Variants in ST7 observed in about 807,000 individuals in gnomAD.
ST7 encodes suppression of tumorigenicity 7.
A neutral mutation model predicts 78.7 loss-of-function variants in ST7; 28 were observed. The ratio of observed to expected loss-of-function variants is 0.36; its 90% CI spans 0.26 to 0.49. The LOEUF (loss-of-function observed/expected upper bound fraction) is 0.49, where lower values mean the gene tolerates loss of function less well. Among genes scored for constraint, ST7 ranks in the 20% least tolerant of loss-of-function variants. The probability of loss-of-function intolerance (pLI) is 0.99; values close to 1 mark genes in which losing one functional copy is unlikely to be tolerated. For synonymous variants in ST7, 247 were observed against 249.6 expected, an observed-to-expected ratio of 0.99 and a Z score of 0.10; for missense variants, 418 against 696.0, an observed-to-expected ratio of 0.60 and a Z score of 4.49.
At position 117,222,820 on chromosome 7, in the gene ST7, A is replaced by T. The variant is rs375220904; in HGVS notation, c.1638+758A>T. 3 of 1,477,690 alleles carry T rather than the reference A, an allele frequency of 2.0e-6. No homozygotes were observed. The African/African-American group carries it at 4.1e-5, about 20-fold the overall frequency. 91.5% of individuals were successfully genotyped at this position (1,477,690 alleles called of 1,614,324 possible). ...TTCAAGGCGAGTGCAATCAGAAAGG[A>T]TGATTTCTAACTTGGCTGGGTTGAT... On this transcript the variant is annotated intron_variant, in intron 15 of 15. Coordinates refer to ENST00000323984, the MANE Select transcript of ST7 (RefSeq NM_001369598.1).
At chr7:117,089,336 A>G (rs1355456633) in intron 1 of ST7, among the ~76,000 whole-genome samples, 1 of 152,232 alleles carries the variant, frequency 6.6e-6, no homozygotes, top group East Asian at 1.9e-4. Context: ...GAATGGCCAA[A>G]GCTGGTCATG....
intron 1 of ST7, chr7:116,966,254 T>C: frequency 6.9e-6 from 2 of 289,032 alleles, no homozygotes; most frequent in East Asian, 9.7e-5. Flanking sequence ...TTTCTTTTTT[T>C]TTTTTTTTTT....
intron 10 of ST7, among the ~76,000 whole-genome samples, chr7:117,172,371 A>C (rs1027152963): frequency 1.3e-5 from 2 of 152,168 alleles, no homozygotes; most frequent in African/African-American, 4.8e-5. Flanking sequence ...ATTTTCTTCA[A>C]ATTTTTTCTC....
chr7:117,179,569 G>A (rs1808590608), intron 10 of ST7, among the ~76,000 whole-genome samples: 1 of 152,182 alleles, frequency 6.6e-6, no homozygotes. Context: ...TTGAGGCAAG[G>A]AAAGCATATG....
At chr7:116,962,854 CT>C (rs1792901752) in intron 1 of ST7, among the ~76,000 whole-genome samples, 1 of 152,162 alleles carries the variant, frequency 6.6e-6, no homozygotes, top group African/African-American at 2.4e-5. Flanking sequence ...GACTTTCTCT[CT>C]TCCTATTTGG....
intron 1 of ST7, chr7:116,967,504 G>T: frequency 4.8e-6 from 2 of 418,300 alleles, no homozygotes; most frequent in South Asian, 1.7e-5. Flanking sequence ...CAGTCCCAGT[G>T]GACCTTTCTG....
intron 1 of ST7, among the ~76,000 whole-genome samples, chr7:117,054,452 G>A (rs554389190): frequency 8.5e-5 from 13 of 152,274 alleles, no homozygotes; most frequent in African/African-American, 2.2e-4. Flanking sequence ...CATGCATCCC[G>A]GAGGTGGAGG....
At chr7:116,954,500 G>A (rs2116086043) in intron 1 of ST7, 1 of 152,306 alleles carries the variant, frequency 6.6e-6, no homozygotes, top group Non-Finnish European at 1.5e-5. Flanking sequence ...TCCCATCCTT[G>A]GTCGGTGGTA....
chr7:117,032,872 C>A (rs1397623276), intron 1 of ST7, among the ~76,000 whole-genome samples: 1 of 152,160 alleles, frequency 6.6e-6, no homozygotes, highest in Non-Finnish European at 1.5e-5. Context: ...CTGACTTTCT[C>A]ACCCTTTTTC....
chr7:117,162,009 T>C (rs1489943614), intron 9 of ST7, among the ~76,000 whole-genome samples: 4 of 152,208 alleles, frequency 2.6e-5, no homozygotes, highest in East Asian at 1.9e-4. Flanking sequence ...AGAACAGATA[T>C]AGTGTACTTA....
chr7:117,055,795 G>C (rs545261363), intron 1 of ST7, among the ~76,000 whole-genome samples: 18 of 152,280 alleles, frequency 1.2e-4, no homozygotes, highest in Admixed American at 6.5e-4. Flanking sequence ...AATTAACCAG[G>C]TGTATTAGTC....
chr7:116,983,603 A>T (rs1472036451), intron 1 of ST7, among the ~76,000 whole-genome samples: 1 of 151,412 alleles, frequency 6.6e-6, no homozygotes, highest in Admixed American at 6.6e-5. Context: ...CTGTTCTTAT[A>T]CCCTCCTTTC....
intron 3 of ST7, among the ~76,000 whole-genome samples, chr7:117,126,051 C>A (rs1412691760): frequency 1.3e-5 from 2 of 151,918 alleles, no homozygotes; most frequent in Admixed American, 1.3e-4. Context: ...ATAAATCGAG[C>A]TTTAAGCCCC....
chr7:117,032,369 T>C (rs1796647758), intron 1 of ST7, among the ~76,000 whole-genome samples: 1 of 152,054 alleles, frequency 6.6e-6, no homozygotes, highest in Admixed American at 6.6e-5. Flanking sequence ...AATATTCACA[T>C]TTCTTTAATT....
chr7:117,111,820 A>G (rs1802452286), intron 2 of ST7, among the ~76,000 whole-genome samples: 1 of 152,180 alleles, frequency 6.6e-6, no homozygotes, highest in Admixed American at 6.5e-5. Context: ...AGTGTTTATT[A>G]TAGTGGAGAA....
intron 1 of ST7, among the ~76,000 whole-genome samples, chr7:117,089,729 G>A (rs576225747): frequency 2.6e-5 from 4 of 151,818 alleles, no homozygotes; most frequent in Admixed American, 2.6e-4. Context: ...CCACCACCAC[G>A]CCCGGCTAGT....
At chr7:117,047,087 G>C (rs910293633) in intron 1 of ST7, among the ~76,000 whole-genome samples, 29 of 152,072 alleles carry the variant, frequency 1.9e-4, no homozygotes, top group African/African-American at 6.8e-4. Flanking sequence ...CATGGTCTTG[G>C]ATCTAAATTG....
chr7:116,955,229 A>G (rs575008293), intron 1 of ST7: 28 of 407,598 alleles, frequency 6.9e-5, no homozygotes, highest in Non-Finnish European at 1.3e-4. Context: ...TTTTAATGGA[A>G]TTACGTATTT....
chr7:117,069,939 T>C (rs1321267013), intron 1 of ST7, among the ~76,000 whole-genome samples: 1 of 152,240 alleles, frequency 6.6e-6, no homozygotes, highest in Admixed American at 6.5e-5. Flanking sequence ...TTTTGCACTT[T>C]ACCCTGCAAT....
Sources: gnomAD v4.1 joint callset for allele counts (sites outside exome capture counted in the v4.1 genomes callset) on GRCh38, gnomAD v4.1.1 for gene constraint, MANE v1.5 for transcripts, NCBI Gene and HGNC (gene_info 2026-07-23, HGNC 2026-07-21) for gene names.